The following CNTNAP2 variants were observed in gnomAD, a reference collection of about 807,000 sequenced individuals.
CNTNAP2 encodes contactin associated protein 2, also known as contactin-associated protein-like 2.
In CNTNAP2, 98 loss-of-function variants were observed where a neutral mutation model predicts 155.2. That is an observed-to-expected ratio of 0.63 (90% CI 0.54 to 0.75). CNTNAP2 has a LOEUF of 0.75. CNTNAP2 is among the 30% of genes least tolerant of loss of function. The pLI is 0.00. For missense variants in CNTNAP2, 1,727 were observed against 1,688.1 expected (o/e 1.02, Z -0.40); for synonymous variants, 651 against 631.2 (o/e 1.03, Z -0.47).
intron 1 of CNTNAP2, among the ~76,000 whole-genome samples, chr7:146,528,449 A>C (rs755713356): frequency 6.6e-6 from 1 of 152,234 alleles, no homozygotes; most frequent in African/African-American, 2.4e-5. Flanking sequence ...AACAAATACA[A>C]TTGAGATTTA....
rs111265967 is a variant in CNTNAP2 at position 147,985,115 on chromosome 7, AAAATAAAT to A, written c.2383+7153_2383+7160del. On this transcript the variant is annotated intron_variant, in intron 15 of 23. Transcript: ENST00000361727. ...GGGTGACAGAGCAAGACTCTGTCAA[AAAATAAAT>A]AAATAAATAAATAAATAAATAAATA... Among the ~76,000 whole-genome samples the A allele has an allele frequency of 4.7e-4, 69 of 145,590 alleles. No individual in the cohort carries two copies. The South Asian group carries it at 0.013, about 27-fold the overall frequency.
intron 1 of CNTNAP2, among the ~76,000 whole-genome samples, chr7:146,301,685 C>A (rs922602380): frequency 1.9e-4 from 29 of 152,090 alleles, no homozygotes; most frequent in African/African-American, 7.0e-4. Flanking sequence ...CATTTCAAGA[C>A]CACTGCCTAC....
chr7:148,342,624 A>G (rs1316212043), intron 21 of CNTNAP2, among the ~76,000 whole-genome samples: 1 of 152,196 alleles, frequency 6.6e-6, no homozygotes, highest in African/African-American at 2.4e-5. Context: ...CTGCTAGCTC[A>G]ATTTTTATTT....
intron 2 of CNTNAP2, among the ~76,000 whole-genome samples, chr7:146,811,908 T>C (rs1438264388): frequency 6.6e-6 from 1 of 152,182 alleles, no homozygotes; most frequent in Non-Finnish European, 1.5e-5. Context: ...GGATGTGTTG[T>C]TTCCCCTTCT....
intron 8 of CNTNAP2, among the ~76,000 whole-genome samples, chr7:147,200,856 G>A (rs565937533): frequency 2.0e-5 from 3 of 152,270 alleles, no homozygotes; most frequent in African/African-American, 7.2e-5. Context: ...GAAAGTCTTC[G>A]TTGTTTTTGT....
chr7:146,720,312 G>T (rs538178983), intron 1 of CNTNAP2, among the ~76,000 whole-genome samples: 1 of 151,968 alleles, frequency 6.6e-6, no homozygotes, highest in African/African-American at 2.4e-5. Flanking sequence ...CTCTTTACTG[G>T]CTCACTTTCA....
chr7:147,329,306 G>A (rs1290230870), intron 9 of CNTNAP2, among the ~76,000 whole-genome samples: 2 of 151,784 alleles, frequency 1.3e-5, no homozygotes, highest in East Asian at 3.9e-4. Flanking sequence ...ATTCTTATAA[G>A]TTATACATTC....
At chr7:146,121,452 G>A (rs1584759116) in intron 1 of CNTNAP2, among the ~76,000 whole-genome samples, 2 of 152,142 alleles carry the variant, frequency 1.3e-5, no homozygotes, top group Non-Finnish European at 2.9e-5. Flanking sequence ...ATTCAAATGT[G>A]CTTTTCTTTA....
At chr7:147,362,956 A>G (rs548376321) in intron 9 of CNTNAP2, among the ~76,000 whole-genome samples, 4 of 152,204 alleles carry the variant, frequency 2.6e-5, no homozygotes, top group Non-Finnish European at 4.4e-5. Flanking sequence ...ATAACAATAT[A>G]TGCTTTATCA....
intron 13 of CNTNAP2, among the ~76,000 whole-genome samples, chr7:147,893,811 T>C (rs1799731194): frequency 6.6e-6 from 1 of 152,230 alleles, no homozygotes. Context: ...GAAGTGATTC[T>C]GTGCGGATTT....
chr7:146,318,854 A>G (rs1223585485), intron 1 of CNTNAP2, among the ~76,000 whole-genome samples: 1 of 152,200 alleles, frequency 6.6e-6, no homozygotes, highest in Non-Finnish European at 1.5e-5. Context: ...TAATAATCTT[A>G]CATAATAAAG....
chr7:147,280,316 A>T (rs1308328065), intron 8 of CNTNAP2, among the ~76,000 whole-genome samples: 3 of 151,922 alleles, frequency 2.0e-5, no homozygotes, highest in Non-Finnish European at 4.4e-5. Context: ...GTCTTTGCAC[A>T]GTTCAGAGAC....
At chr7:147,386,077 T>A (rs1796620689) in intron 9 of CNTNAP2, among the ~76,000 whole-genome samples, 1 of 152,176 alleles carries the variant, frequency 6.6e-6, no homozygotes. Flanking sequence ...CCAAGCTGTA[T>A]CTTGCCCCCT....
intron 11 of CNTNAP2, among the ~76,000 whole-genome samples, chr7:147,540,443 C>T (rs143329461): frequency 1.3e-5 from 2 of 152,314 alleles, no homozygotes; most frequent in East Asian, 3.9e-4. Flanking sequence ...TTAAACAAGT[C>T]TGCCTATATT....
At chr7:147,297,410 G>A (rs942521750) in intron 8 of CNTNAP2, among the ~76,000 whole-genome samples, 1 of 152,052 alleles carries the variant, frequency 6.6e-6, no homozygotes, top group Admixed American at 6.5e-5. Context: ...GCTAGTAAAT[G>A]AACATATAAT....
chr7:147,037,442 GTT>G (rs1221060531), intron 3 of CNTNAP2, among the ~76,000 whole-genome samples: 3 of 119,836 alleles, frequency 2.5e-5, no homozygotes, highest in Non-Finnish European at 5.4e-5. Context: ...ATCCAGTTTT[GTT>G]TTTTTTTTCC....
At chr7:147,407,290 A>T (rs1797020996) in intron 10 of CNTNAP2, among the ~76,000 whole-genome samples, 1 of 151,914 alleles carries the variant, frequency 6.6e-6, no homozygotes, top group Non-Finnish European at 1.5e-5. Context: ...AACATGGTGA[A>T]ACCCCGTCTC....
At chr7:147,487,163 T>G (rs1036362125) in intron 11 of CNTNAP2, among the ~76,000 whole-genome samples, 1 of 152,198 alleles carries the variant, frequency 6.6e-6, no homozygotes, top group South Asian at 2.1e-4. Context: ...GAATATATTG[T>G]AAAATGTTGA....
chr7:147,107,535 G>C (rs373745236), intron 4 of CNTNAP2, among the ~76,000 whole-genome samples: 1 of 151,996 alleles, frequency 6.6e-6, no homozygotes, highest in Non-Finnish European at 1.5e-5. Flanking sequence ...AATGCAAGGA[G>C]GTAATAAGAA....
Sources: gnomAD v4.1 joint callset for allele counts (sites outside exome capture counted in the v4.1 genomes callset) on GRCh38, gnomAD v4.1.1 for gene constraint, MANE v1.5 for transcripts, NCBI Gene and HGNC (gene_info 2026-07-23, HGNC 2026-07-21) for gene names.